FMN2: variants seen among roughly 807,000 people sequenced by gnomAD.
FMN2 encodes formin-2.
In FMN2, 51 loss-of-function variants were observed where a neutral mutation model predicts 142.3. The observed-to-expected ratio is 0.36, with a 90% CI of 0.29 to 0.45. The LOEUF (loss-of-function observed/expected upper bound fraction) is 0.45, where lower values mean the gene tolerates loss of function less well. Ranked by LOEUF, FMN2 falls within the 20% of genes least tolerant of loss-of-function variation. The probability of loss-of-function intolerance (pLI) is 1.00; values close to 1 mark genes in which losing one functional copy is unlikely to be tolerated. For synonymous variants in FMN2, 882 were observed against 869.8 expected, an observed-to-expected ratio of 1.01 and a Z score of -0.25; for missense variants, 1,936 against 2,122.8, an observed-to-expected ratio of 0.91 and a Z score of 1.73.
intron 6 of FMN2, among the ~76,000 whole-genome samples, chr1:240,252,054 G>A (rs1199088144): frequency 2.6e-5 from 4 of 151,988 alleles, no homozygotes; most frequent in African/African-American, 4.8e-5. Flanking sequence ...GATTACAGAC[G>A]CCCGCCATCT....
intron 6 of FMN2, among the ~76,000 whole-genome samples, chr1:240,241,258 TG>T (rs1460307551): frequency 3.4e-5 from 5 of 148,444 alleles, no homozygotes; most frequent in South Asian, 4.3e-4. Flanking sequence ...TTTTTTTTTT[TG>T]TCAAGGTCAT....
At chr1:240,429,867 CT>C (rs1277767742) in intron 15 of FMN2, among the ~76,000 whole-genome samples, 1 of 148,936 alleles carries the variant, frequency 6.7e-6, no homozygotes, top group South Asian at 2.1e-4. Flanking sequence ...GTGAACATTC[CT>C]TTTTTGTTTT....
chr1:240,248,523 G>A (rs1459953942), intron 6 of FMN2, among the ~76,000 whole-genome samples: 2 of 150,758 alleles, frequency 1.3e-5, no homozygotes, highest in Non-Finnish European at 3.0e-5. Context: ...GACACAGGTT[G>A]ATTTCATATC....
At chr1:240,381,232 AG>A (rs781368824) in intron 14 of FMN2, among the ~76,000 whole-genome samples, 1 of 152,186 alleles carries the variant, frequency 6.6e-6, no homozygotes, top group South Asian at 2.1e-4. Context: ...CAAAACACAC[AG>A]GGGTATATCT....
chr1:240,202,732 G>A (rs1572054699), intron 4 of FMN2, among the ~76,000 whole-genome samples: 1 of 152,096 alleles, frequency 6.6e-6, no homozygotes, highest in Admixed American at 6.6e-5. Context: ...GGAAAGTGCT[G>A]GGATTACAGG....
chr1:240,247,426 T>A (rs1474274265), intron 6 of FMN2, among the ~76,000 whole-genome samples: 1 of 150,112 alleles, frequency 6.7e-6, no homozygotes, highest in East Asian at 2.0e-4. Context: ...CGCTTGAACC[T>A]GGGAGGCGGA....
At chr1:240,410,764 A>G (rs1490235856) in intron 15 of FMN2, among the ~76,000 whole-genome samples, 1 of 152,186 alleles carries the variant, frequency 6.6e-6, no homozygotes, top group African/African-American at 2.4e-5. Context: ...TTACACATGT[A>G]TATTGCTTCT....
At position 240,093,233 on chromosome 1, in the gene FMN2, C is replaced by T. The variant is rs1279779907; in HGVS notation, c.1124C>T (p.Pro375Leu). 6.5e-7 allele frequency: 1 copy of T among 1,545,406 alleles called. No homozygotes were observed. The highest frequency in any genetic ancestry group is 2.3e-5 in the East Asian group (1 of 42,934). Residue 375 changes from proline to leucine, a missense_variant, in exon 1 of 18, where the codon CCG (proline) becomes CTG (leucine). Coordinates refer to ENST00000319653, the MANE Select transcript of FMN2 (RefSeq NM_020066.5). Reference sequence around the variant, plus strand: ...GCCCCGGAGGTGGGAGAGGACGCCCCGCAGAGGCTGGGGGAAGAGCCGGAG... The same window carrying T: ...GCCCCGGAGGTGGGAGAGGACGCCCTGCAGAGGCTGGGGGAAGAGCCGGAG... ...EWAPEVGEDA[P>L]QRLGEEPEEE...
At chr1:240,368,172 G>T (rs918177954) in intron 14 of FMN2, among the ~76,000 whole-genome samples, 1 of 152,090 alleles carries the variant, frequency 6.6e-6, no homozygotes, top group African/African-American at 2.4e-5. Context: ...ATGTGAAAAG[G>T]CTAGATTCCT....
rs35590068 is a variant in FMN2, at chr1:240,413,120, C to CAAAAAAA, written c.4910+20581_4910+20587dup. On this transcript the variant is annotated intron_variant, in intron 15 of 17. Coordinates refer to ENST00000319653, the MANE Select transcript of FMN2 (RefSeq NM_020066.5). ...CCTGGGCGACAAAGCGAGACTCTGTCAAAAAAAAAAAAAAAAAAAAAAAAA... is the reference window on the plus strand; with the variant it reads ...CCTGGGCGACAAAGCGAGACTCTGTCAAAAAAAAAAAAAAAAAAAAAAAAAAAAAAAA... Among the ~76,000 whole-genome samples the CAAAAAAA allele has an allele frequency of 3.3e-3, 80 of 24,582 alleles. 12 individuals carry two copies. In the East Asian group the frequency reaches 0.072, roughly 22 times the overall value. 16.1% of individuals were successfully genotyped at this position (24,582 alleles called of 152,430 possible). A position where few individuals can be genotyped will look rare whatever the true frequency, so the allele number is the denominator to read the frequency against.
At chr1:240,379,070 A>G (rs1673142873) in intron 14 of FMN2, among the ~76,000 whole-genome samples, 1 of 152,186 alleles carries the variant, frequency 6.6e-6, no homozygotes, top group Non-Finnish European at 1.5e-5. Context: ...TTTCTTTAGA[A>G]TATTTGGCTT....
intron 2 of FMN2, chr1:240,144,969 C>T: frequency 7.9e-7 from 1 of 1,261,652 alleles, no homozygotes; most frequent in Non-Finnish European, 1.2e-6. Flanking sequence ...CACTCGCACT[C>T]CCCACTCATG....
intron 7 of FMN2, among the ~76,000 whole-genome samples, chr1:240,262,758 A>ATTT (rs1668672018): frequency 7.6e-6 from 1 of 132,070 alleles, no homozygotes; most frequent in African/African-American, 2.9e-5. Flanking sequence ...GAAAACTTTT[A>ATTT]CTTTTTTTTT....
intron 13 of FMN2, among the ~76,000 whole-genome samples, chr1:240,348,626 A>G (rs971369258): frequency 6.6e-6 from 1 of 151,834 alleles, no homozygotes; most frequent in Non-Finnish European, 1.5e-5. Context: ...CCTGTCAGGT[A>G]CATTCTGAAA....
At position 240,310,640 on chromosome 1, in the gene FMN2, T is replaced by A. The variant is rs534184491; in HGVS notation, c.4215+15757T>A. 2.0e-5 allele frequency among the ~76,000 whole-genome samples: 3 copies of A among 152,330 alleles called. No homozygotes were observed. In the East Asian group the frequency reaches 5.8e-4, roughly 29 times the overall value. On this transcript the variant is annotated intron_variant, in intron 8 of 17. Coordinates refer to ENST00000319653, the MANE Select transcript of FMN2 (RefSeq NM_020066.5). The stretch of plus-strand genomic sequence containing the variant: ...CTGTCATTAAGTTCAGAGAGTAAGA[T>A]CTTTTCCTAAGCAGTATATAATATT...
chr1:240,114,878 G>A (rs555625392), intron 1 of FMN2, among the ~76,000 whole-genome samples: 24 of 152,072 alleles, frequency 1.6e-4, no homozygotes, highest in Admixed American at 4.6e-4. Context: ...GGATGGTCTC[G>A]ATCTCTTGAC....
Position 240,302,148 on chromosome 1 carries a change from G to A in FMN2, c.4215+7265G>A, listed in dbSNP as rs116559885. Among the ~76,000 whole-genome samples, 857 of 151,796 alleles carry A rather than the reference G, an allele frequency of 5.6e-3. 10 individuals carry two copies. The highest frequency in any genetic ancestry group is 0.02 in the African/African-American group (832 of 41,372). The stretch of plus-strand genomic sequence containing the variant: ...TATTCTTTTATTCAACCTCTCAAAT[G>A]AAAACATTTTATTTCTAATGCTATA... On this transcript the variant is annotated intron_variant, in intron 8 of 17. Coordinates refer to ENST00000319653, the MANE Select transcript of FMN2 (RefSeq NM_020066.5).
intron 16 of FMN2, among the ~76,000 whole-genome samples, chr1:240,446,026 AG>A (rs761706788): frequency 1.3e-5 from 2 of 152,228 alleles, no homozygotes; most frequent in Non-Finnish European, 2.9e-5. Context: ...AATATTCACT[AG>A]GATGCTAGAG....
chr1:240,153,507 A>T, intron 2 of FMN2, among the ~76,000 whole-genome samples: 1 of 150,158 alleles, frequency 6.7e-6, no homozygotes, highest in East Asian at 2.0e-4. Flanking sequence ...CCACAGGTGC[A>T]TGCCACCATG....
Sources: allele counts gnomAD v4.1 joint callset (sites outside exome capture counted in the v4.1 genomes callset), GRCh38; gene constraint gnomAD v4.1.1; transcripts MANE v1.5; gene names NCBI Gene and HGNC (gene_info 2026-07-23, HGNC 2026-07-21).